Variants in METTL21A observed in about 807,000 individuals in gnomAD.
The protein encoded by METTL21A is protein N-lysine methyltransferase METTL21A.
A neutral mutation model predicts 20.9 loss-of-function variants in METTL21A; 22 were observed. That is an observed-to-expected ratio of 1.05 (90% CI 0.75 to 1.50). The LOEUF is 1.50. Ranked by LOEUF, METTL21A falls within the 40% of genes most tolerant of loss-of-function variation. The pLI, the probability that METTL21A is intolerant of heterozygous loss-of-function variation, is 0.00. For synonymous variants in METTL21A, 93 were observed against 102.0 expected (o/e 0.91, Z 0.53); for missense variants, 271 against 266.8 (o/e 1.02, Z -0.11).
At chr2:207,589,973 C>T (rs1042816693) in intron 3 of METTL21A, among the ~76,000 whole-genome samples, 1 of 151,852 alleles carries the variant, frequency 6.6e-6, no homozygotes, top group African/African-American at 2.4e-5. Flanking sequence ...GTCTTCCCTT[C>T]CCTTCTCTTT....
intron 3 of METTL21A, chr2:207,602,914 TC>T (rs1189748454): frequency 3.7e-5 from 8 of 216,328 alleles, no homozygotes; most frequent in Admixed American, 1.7e-4. Context: ...AGGAATTATT[TC>T]TAACCCAGAT....
At chr2:207,618,951 T>C (rs138436691) in intron 3 of METTL21A, among the ~76,000 whole-genome samples, 166 of 152,132 alleles carry the variant, frequency 1.1e-3, no homozygotes, top group African/African-American at 4.0e-3. Context: ...GCACAATCCA[T>C]TAGCTTTGTG....
chr2:207,600,238 C>CATAT (rs71036937), intron 3 of METTL21A: 4,566 of 145,478 alleles, frequency 0.031, 93 homozygotes, highest in Middle Eastern at 0.091. Flanking sequence ...TATATGTGTA[C>CATAT]ATATATATAT....
At chr2:207,607,128 C>T (rs1301663138), downstream of METTL21A, among the ~76,000 whole-genome samples, 14 of 152,092 alleles carry the variant, frequency 9.2e-5, 1 homozygote, top group African/African-American at 3.4e-4. Context: ...GTGGCTCACA[C>T]CTGTAATCCC....
Position 207,613,450 on chromosome 2 carries a change from T to C in METTL21A, c.260-7A>G, listed in dbSNP as rs373059918. 17 of 1,562,516 alleles carry C rather than the reference T, an allele frequency of 1.1e-5. No individual in the cohort carries two copies. Among genetic ancestry groups the C allele is most frequent in the African/African-American group, 6.8e-5 (5 of 73,284 alleles). ...GTGATAGTCACATGAGCACCTACAA[T>C]GTGGAACAAAGAAAAAGTGATGTGT... is the stretch of plus-strand genomic sequence containing the variant. On this transcript the variant is annotated splice_polypyrimidine_tract_variant and splice_region_variant and intron_variant, in intron 3 of 3. Transcript: ENST00000406927.
intron 3 of METTL21A, among the ~76,000 whole-genome samples, chr2:207,616,044 C>G (rs2089688574): frequency 6.6e-6 from 1 of 152,114 alleles, no homozygotes; most frequent in African/African-American, 2.4e-5. Flanking sequence ...CTACTGTACT[C>G]AGCCCTATTA....
At chr2:207,613,931 A>G (rs555974111) in intron 3 of METTL21A, among the ~76,000 whole-genome samples, 5 of 152,212 alleles carry the variant, frequency 3.3e-5, no homozygotes, top group Non-Finnish European at 5.9e-5. Flanking sequence ...AGATCTCGCC[A>G]CTGCACTCCA....
rs537761630 is a variant in METTL21A at position 207,582,916 on chromosome 2, A to T, written c.260-756T>A. The T allele has an allele frequency of 1.6e-3, 379 of 232,226 alleles. 2 individuals carry two copies. The highest frequency in any genetic ancestry group is 2.7e-3 in the East Asian group (19 of 6,950). The allele number at this position is 232,226 out of a possible 1,614,324, so 14.4% of individuals were successfully genotyped here. The stretch of plus-strand genomic sequence containing the variant: ...AAAAAAACAAACAAACAAACAAAAA[A>T]AAATATATATATATACATACACACA... On this transcript the variant is annotated intron_variant, in intron 3 of 3. Transcript: ENST00000425132.
At chr2:207,590,087 T>A (rs915945810) in intron 3 of METTL21A, among the ~76,000 whole-genome samples, 62 of 95,616 alleles carry the variant, frequency 6.5e-4, no homozygotes, top group African/African-American at 2.0e-3. Context: ...TGAGAAGTTT[T>A]TTTTTTTTTT....
intron 3 of METTL21A, among the ~76,000 whole-genome samples, chr2:207,587,286 G>GGGA (rs1245820570): frequency 2.6e-5 from 4 of 151,714 alleles, no homozygotes; most frequent in Non-Finnish European, 5.9e-5. Context: ...CCAGCTACTC[G>GGGA]GGAGGCTGAG....
intron 1 of METTL21A, chr2:207,625,149 A>AG (rs1463665923): frequency 7.2e-5 from 11 of 152,150 alleles, no homozygotes; most frequent in East Asian, 3.9e-4. Context: ...AGACCAGGCG[A>AG]GGGGGGTCAC....
At chr2:207,589,808 A>G (rs764630307) in intron 3 of METTL21A, among the ~76,000 whole-genome samples, 5 of 152,172 alleles carry the variant, frequency 3.3e-5, no homozygotes, top group Non-Finnish European at 5.9e-5. Flanking sequence ...TGAACCCCCA[A>G]TTGGTCATGA....
chr2:207,588,321 T>C (rs1172347639), intron 3 of METTL21A, among the ~76,000 whole-genome samples: 1 of 152,214 alleles, frequency 6.6e-6, no homozygotes, highest in African/African-American at 2.4e-5. Flanking sequence ...GAATTGCCCT[T>C]GCTCTTTTTT....
At chr2:207,582,225 A>G (rs942404920) in intron 3 of METTL21A, 1 of 701,466 alleles carries the variant, frequency 1.4e-6, no homozygotes, top group African/African-American at 1.7e-5. Context: ...AATTAGGTGT[A>G]TTTTAGAAGA....
At chr2:207,590,294 T>C (rs1298503624) in intron 3 of METTL21A, among the ~76,000 whole-genome samples, 1 of 151,888 alleles carries the variant, frequency 6.6e-6, no homozygotes, top group African/African-American at 2.4e-5. Context: ...ATTCCTAATA[T>C]TGTTAATTTT....
At chr2:207,582,170 A>C (rs1366929697) in intron 3 of METTL21A, 1 of 702,892 alleles carries the variant, frequency 1.4e-6, no homozygotes, top group Admixed American at 2.0e-5. Context: ...CCTAAAAGGG[A>C]GAATATGAAA....
chr2:207,580,838 C>T (rs1435999820), downstream of METTL21A: 1 of 220,972 alleles, frequency 4.5e-6, no homozygotes, highest in Non-Finnish European at 9.1e-6. Context: ...CCATCTGGGT[C>T]TAGGATCCTG....
At chr2:207,589,762 ATAC>A (rs1425850085) in intron 3 of METTL21A, among the ~76,000 whole-genome samples, 1 of 152,202 alleles carries the variant, frequency 6.6e-6, no homozygotes, top group Non-Finnish European at 1.5e-5. Context: ...AATTACATTC[ATAC>A]TCCAATTTTG....
chr2:207,580,681 A>G (rs2082856040), downstream of METTL21A: 4 of 221,342 alleles, frequency 1.8e-5, no homozygotes, highest in Admixed American at 2.3e-4. Context: ...TAAGTGGTAA[A>G]CATTCTAAAA....
Sources: allele counts gnomAD v4.1 joint callset (sites outside exome capture counted in the v4.1 genomes callset), GRCh38; gene constraint gnomAD v4.1.1; transcripts MANE v1.5; gene names NCBI Gene and HGNC (gene_info 2026-07-23, HGNC 2026-07-21).